Variants in ZNF385B observed in about 807,000 individuals in gnomAD.
ZNF385B encodes the protein zinc finger protein 385B, also known as zinc finger protein 533.
Under a neutral mutation model 39.2 loss-of-function variants are expected in ZNF385B, and 23 were observed. That is an observed-to-expected ratio of 0.59 (90% CI 0.42 to 0.83). ZNF385B has a LOEUF of 0.83. ZNF385B is among the 40% of genes least tolerant of loss of function. ZNF385B has a pLI of 0.00. For synonymous variants in ZNF385B, 205 were observed against 222.6 expected, an observed-to-expected ratio of 0.92 and a Z score of 0.70; for missense variants, 552 against 598.9, an observed-to-expected ratio of 0.92 and a Z score of 0.82.
chr2:179,667,403 T>C (rs1050575780), intron 3 of ZNF385B, among the ~76,000 whole-genome samples: 2 of 151,774 alleles, frequency 1.3e-5, no homozygotes, highest in African/African-American at 4.8e-5. Flanking sequence ...TTAGTCTCCC[T>C]CCCCCCCACC....
intron 1 of ZNF385B, among the ~76,000 whole-genome samples, chr2:179,812,834 T>G (rs2106568707): frequency 6.6e-6 from 1 of 152,344 alleles, no homozygotes; most frequent in Admixed American, 6.5e-5. Context: ...AAGTTTGATT[T>G]TTTAAATATT....
At chr2:179,613,694 A>G (rs1423573973) in intron 3 of ZNF385B, among the ~76,000 whole-genome samples, 2 of 152,126 alleles carry the variant, frequency 1.3e-5, no homozygotes, top group Non-Finnish European at 2.9e-5. Flanking sequence ...AGTCTCTCCA[A>G]AACTGCAAAC....
intron 3 of ZNF385B, among the ~76,000 whole-genome samples, chr2:179,706,939 C>T (rs1265108701): frequency 1.3e-5 from 2 of 152,110 alleles, no homozygotes; most frequent in African/African-American, 4.8e-5. Context: ...TGCTGACCCC[C>T]ACAGCAATGA....
chr2:179,729,473 C>T (rs1701242801), intron 3 of ZNF385B, among the ~76,000 whole-genome samples: 2 of 152,262 alleles, frequency 1.3e-5, no homozygotes, highest in Admixed American at 6.5e-5. Context: ...AGAGTGAAAA[C>T]CAAAAGGATA....
chr2:179,727,774 G>A (rs1181883316), intron 3 of ZNF385B, among the ~76,000 whole-genome samples: 3 of 152,080 alleles, frequency 2.0e-5, no homozygotes, highest in Non-Finnish European at 4.4e-5. Flanking sequence ...CATATGGAGT[G>A]CATCAAAAGA....
intron 5 of ZNF385B, among the ~76,000 whole-genome samples, chr2:179,495,829 G>T (rs547820192): frequency 1.3e-5 from 2 of 152,128 alleles, no homozygotes; most frequent in African/African-American, 4.8e-5. Flanking sequence ...TTACAGCTTA[G>T]ATCACAATAC....
intron 3 of ZNF385B, among the ~76,000 whole-genome samples, chr2:179,716,487 A>T (rs1700338420): frequency 6.6e-6 from 1 of 152,228 alleles, no homozygotes; most frequent in Non-Finnish European, 1.5e-5. Flanking sequence ...CTTGAGTTAG[A>T]TTATGTTCAT....
intron 1 of ZNF385B, among the ~76,000 whole-genome samples, chr2:179,836,515 T>TA (rs1302766380): frequency 7.2e-6 from 1 of 138,114 alleles, no homozygotes; most frequent in Non-Finnish European, 1.6e-5. Flanking sequence ...TGCGTTTTCT[T>TA]TTTTTTTTTT....
chr2:179,495,809 C>G (rs2056141154), intron 5 of ZNF385B, among the ~76,000 whole-genome samples: 1 of 152,080 alleles, frequency 6.6e-6, no homozygotes, highest in Non-Finnish European at 1.5e-5. Context: ...TTGGGGTGCC[C>G]CTAAAGCAGT....
chr2:179,455,239 TAG>T lies in ZNF385B; in HGVS notation c.716-8471_716-8470del, dbSNP rs201162616. On this transcript the variant is annotated intron_variant, in intron 6 of 9. Coordinates refer to ENST00000410066, the MANE Select transcript of ZNF385B (RefSeq NM_152520.6). ...GTATTTAGTACAGTAACCTGTTATA[TAG>T]GTGTGTAGCATAGGAGCTAAATAGT... Among the ~76,000 whole-genome samples the T allele has an allele frequency of 5.3e-3, 803 of 152,232 alleles. 9 individuals are homozygous for T. Among genetic ancestry groups the T allele is most frequent in the African/African-American group, 0.018 (747 of 41,552 alleles).
At chr2:179,724,819 G>A (rs989839222) in intron 3 of ZNF385B, among the ~76,000 whole-genome samples, 8 of 152,154 alleles carry the variant, frequency 5.3e-5, no homozygotes, top group African/African-American at 1.9e-4. Flanking sequence ...GGAAGCTAGG[G>A]AGGATGGGAA....
At chr2:179,769,846 C>T in intron 2 of ZNF385B, 44 bp from the exon 3 acceptor site, 4 of 1,502,004 alleles carry the variant, frequency 2.7e-6, no homozygotes, top group Non-Finnish European at 2.7e-6. Flanking sequence ...ATGATATATG[C>T]CTTATTTTCT....
intron 4 of ZNF385B, among the ~76,000 whole-genome samples, chr2:179,544,191 AAAG>A (rs1359360758): frequency 1.3e-5 from 2 of 152,216 alleles, no homozygotes; most frequent in African/African-American, 2.4e-5. Flanking sequence ...CATTCAAATA[AAAG>A]AAGGTCAGCT....
Position 179,485,580 on chromosome 2 carries a change from A to G in ZNF385B, c.553-2146T>C, listed in dbSNP as rs190925865. 2.6e-3 allele frequency among the ~76,000 whole-genome samples: 391 copies of G among 152,294 alleles called. 2 individuals carry two copies. The highest frequency in any genetic ancestry group is 6.8e-3 in the Middle Eastern group (2 of 294). On this transcript the variant is annotated intron_variant, in intron 5 of 9. Coordinates refer to ENST00000410066, the MANE Select transcript of ZNF385B (RefSeq NM_152520.6). ...GGCCTACTTTATCCTAAGCTTATAA[A>G]TGATGATGATGAATTTATTCATGCC...
At chr2:179,689,783 ATGTGTGTG>A (rs112957152) in intron 3 of ZNF385B, among the ~76,000 whole-genome samples, 37,773 of 129,822 alleles carry the variant, frequency 0.29, 4,972 homozygotes, top group East Asian at 0.35. Flanking sequence ...GGGCAGGGGC[ATGTGTGTG>A]TGTGTGTGTG....
At chr2:179,805,612 TA>T (rs1706301216) in intron 1 of ZNF385B, among the ~76,000 whole-genome samples, 1 of 152,230 alleles carries the variant, frequency 6.6e-6, no homozygotes, top group Non-Finnish European at 1.5e-5. Context: ...GCAAATTACC[TA>T]ACTTGCCTGT....
intron 3 of ZNF385B, among the ~76,000 whole-genome samples, chr2:179,553,121 A>G (rs2105932284): frequency 6.7e-6 from 1 of 149,268 alleles, no homozygotes; most frequent in Non-Finnish European, 1.5e-5. Context: ...CATTCCAGTC[A>G]TATAGATACA....
chr2:179,500,222 A>C lies in ZNF385B; in HGVS notation c.553-16788T>G, dbSNP rs140221172. Among the ~76,000 whole-genome samples the C allele has an allele frequency of 9.5e-3, 1,452 of 152,162 alleles. 19 individuals are homozygous for C. The highest frequency in any genetic ancestry group is 0.033 in the African/African-American group (1,361 of 41,552). Reference sequence around the variant, plus strand: ...CCATACTACCCAAAGCAATCTACAGATTCATTGCAATCACATTTTTCACAG... The same window carrying C: ...CCATACTACCCAAAGCAATCTACAGCTTCATTGCAATCACATTTTTCACAG... On this transcript the variant is annotated intron_variant, in intron 5 of 9. Transcript: ENST00000410066.
intron 3 of ZNF385B, among the ~76,000 whole-genome samples, chr2:179,546,060 G>A: frequency 6.6e-6 from 1 of 151,776 alleles, no homozygotes; most frequent in East Asian, 1.9e-4. Flanking sequence ...TTAAAGACAA[G>A]GTCTCACTCT....
Sources: gnomAD v4.1 joint callset for allele counts (sites outside exome capture counted in the v4.1 genomes callset) on GRCh38, gnomAD v4.1.1 for gene constraint, MANE v1.5 for transcripts, NCBI Gene and HGNC (gene_info 2026-07-23, HGNC 2026-07-21) for gene names.